The following ITGA9 variants were observed in gnomAD, a reference collection of about 807,000 sequenced individuals.
ITGA9 encodes integrin alpha-9.
In ITGA9, 56 loss-of-function variants were observed where a neutral mutation model predicts 127.8. That is an observed-to-expected ratio of 0.44 (90% CI 0.35 to 0.55). ITGA9 has a LOEUF of 0.55. ITGA9 is among the 20% of genes least tolerant of loss of function. The pLI, the probability that ITGA9 is intolerant of heterozygous loss-of-function variation, is 0.00. For missense variants in ITGA9, 1,196 were observed against 1,347.1 expected (o/e 0.89, Z 1.76); for synonymous variants, 508 against 514.5 (o/e 0.99, Z 0.17).
At chr3:37,785,599 G>A (rs1247541147) in intron 26 of ITGA9, among the ~76,000 whole-genome samples, 2 of 152,130 alleles carry the variant, frequency 1.3e-5, no homozygotes, top group East Asian at 3.9e-4. Context: ...TTAGCCTCCA[G>A]AGTAGCTAGG....
At chr3:37,557,368 G>A (rs1301053446) in intron 15 of ITGA9, among the ~76,000 whole-genome samples, 1 of 152,204 alleles carries the variant, frequency 6.6e-6, no homozygotes, top group African/African-American at 2.4e-5. Context: ...ATTGTAGTGA[G>A]TACGCTGTGT....
intron 4 of ITGA9, among the ~76,000 whole-genome samples, chr3:37,493,709 C>G (rs115114800): frequency 6.6e-6 from 1 of 152,172 alleles, no homozygotes; most frequent in Non-Finnish European, 1.5e-5. Context: ...AATATTCTTA[C>G]CTGTTAACAA....
intron 15 of ITGA9, among the ~76,000 whole-genome samples, chr3:37,614,221 A>C (rs1459322276): frequency 6.6e-6 from 1 of 152,172 alleles, no homozygotes; most frequent in Non-Finnish European, 1.5e-5. Context: ...TTAAATAGGG[A>C]ATCCTTTCCC....
intron 23 of ITGA9, among the ~76,000 whole-genome samples, chr3:37,756,939 C>CCTTTATTCTTAAAAA (rs1696659450): frequency 1.3e-5 from 2 of 149,906 alleles, no homozygotes; most frequent in African/African-American, 5.1e-5. Context: ...AAAAAGAAAT[C>CCTTTATTCTTAAAAA]AAAGTTGAAG....
chr3:37,463,174 C>T (rs1246398880), intron 1 of ITGA9, among the ~76,000 whole-genome samples: 2 of 152,170 alleles, frequency 1.3e-5, no homozygotes, highest in Non-Finnish European at 1.5e-5. Flanking sequence ...AATTAGTGGG[C>T]GATGGAATTA....
chr3:37,711,940 C>A (rs1701083992), intron 18 of ITGA9, among the ~76,000 whole-genome samples: 1 of 152,142 alleles, frequency 6.6e-6, no homozygotes, highest in African/African-American at 2.4e-5. Context: ...AGCAGCCCTG[C>A]AAATACAGAT....
rs142880965 is a variant in ITGA9 at position 37,487,254 on chromosome 3, A to C, written c.544+5647A>C. On this transcript the variant is annotated intron_variant, in intron 4 of 27. Coordinates refer to ENST00000264741, the MANE Select transcript of ITGA9 (RefSeq NM_002207.3). ...ATATCTTATTTAAATAAATAGAGCA[A>C]ATTAAAGAGAAGAGGATGCAGTTGT... Among the ~76,000 whole-genome samples, 229 of 152,330 alleles carry C rather than the reference A, an allele frequency of 1.5e-3. 2 individuals carry two copies. The highest frequency in any genetic ancestry group is 5.2e-3 in the African/African-American group (215 of 41,578).
At chr3:37,796,522 G>A (rs1284508561) in intron 26 of ITGA9, among the ~76,000 whole-genome samples, 1 of 152,050 alleles carries the variant, frequency 6.6e-6, no homozygotes, top group African/African-American at 2.4e-5. Context: ...TGGAACGACG[G>A]ACAGACGGAT....
intron 18 of ITGA9, among the ~76,000 whole-genome samples, chr3:37,701,606 C>T (rs1490820842): frequency 6.6e-6 from 1 of 152,200 alleles, no homozygotes; most frequent in African/African-American, 2.4e-5. Context: ...CTTGACACTT[C>T]TGGCCTGTTG....
intron 1 of ITGA9, among the ~76,000 whole-genome samples, chr3:37,460,028 A>G (rs1405155693): frequency 6.6e-6 from 1 of 152,176 alleles, no homozygotes; most frequent in Non-Finnish European, 1.5e-5. Flanking sequence ...GCATTAAGAC[A>G]GAAGTGTCCC....
chr3:37,512,144 CT>C (rs1188369802), intron 8 of ITGA9, among the ~76,000 whole-genome samples: 1 of 13,336 alleles, frequency 7.5e-5, no homozygotes, highest in African/African-American at 2.6e-4. Flanking sequence ...CTTTTCTTTT[CT>C]TTTCTTTTCT....
At chr3:37,728,685 C>T (rs919902384) in intron 18 of ITGA9, among the ~76,000 whole-genome samples, 3 of 151,734 alleles carry the variant, frequency 2.0e-5, no homozygotes, top group Non-Finnish European at 1.5e-5. Context: ...TGAGCTTTCT[C>T]CTCATCCTCC....
chr3:37,539,010 C>A (rs767733226), intron 14 of ITGA9, among the ~76,000 whole-genome samples: 1 of 152,220 alleles, frequency 6.6e-6, no homozygotes, highest in Non-Finnish European at 1.5e-5. Context: ...CATGCACACA[C>A]CCCGCTGGAG....
chr3:37,532,201 C>A (rs267568), intron 13 of ITGA9, among the ~76,000 whole-genome samples: 83,943 of 152,136 alleles, frequency 0.55, 23,839 homozygotes, highest in East Asian at 0.81. Flanking sequence ...GTTCCACTGC[C>A]TCTGTTATCA....
chr3:37,568,843 G>A lies in ITGA9; in HGVS notation c.1689+26258G>A, dbSNP rs191044292. On this transcript the variant is annotated intron_variant, in intron 15 of 27. Coordinates refer to ENST00000264741, the MANE Select transcript of ITGA9 (RefSeq NM_002207.3). ...AAGCCATTCAACAAGTCTCTAGGAA[G>A]TTCCAAACTTTCTCACATTTCCTGT... Among the ~76,000 whole-genome samples the A allele has an allele frequency of 2.2e-4, 33 of 152,338 alleles. No homozygotes were observed. The East Asian group carries it at 6.0e-3, about 28-fold the overall frequency.
intron 26 of ITGA9, among the ~76,000 whole-genome samples, chr3:37,800,309 A>G (rs1277974021): frequency 6.6e-6 from 1 of 152,254 alleles, no homozygotes; most frequent in Non-Finnish European, 1.5e-5. Context: ...ATAGTCAACA[A>G]TAAGGTTTAG....
Position 37,506,036 on chromosome 3 carries a change from C to T in ITGA9, c.779C>T (p.Ser260Phe). Residue 260 changes from serine to phenylalanine, a missense_variant, in exon 7 of 28, where the codon TCC becomes TTC. Ser to Phe is a radical substitution (Grantham distance 155). Transcript: ENST00000264741. ...AVTAGHFSHP[S>F]TIDVVGGAPQ... ...ACCGCTGGCCACTTCTCTCACCCGTCCACCATTGATGTGGTAGGAGGTGCC... is the reference window on the plus strand; with the variant it reads ...ACCGCTGGCCACTTCTCTCACCCGTTCACCATTGATGTGGTAGGAGGTGCC... 3 of 1,610,296 alleles carry T rather than the reference C, an allele frequency of 1.9e-6. No individual in the cohort carries two copies. Among genetic ancestry groups the T allele is most frequent in the Non-Finnish European group, 2.5e-6 (3 of 1,178,490 alleles).
At chr3:37,665,430 T>C (rs1009012520) in intron 17 of ITGA9, among the ~76,000 whole-genome samples, 2 of 152,118 alleles carry the variant, frequency 1.3e-5, no homozygotes, top group African/African-American at 4.8e-5. Context: ...TCAGAACAAG[T>C]GTTTGCCGTT....
At chr3:37,657,647 A>G (rs1248101016) in intron 17 of ITGA9, among the ~76,000 whole-genome samples, 1 of 144,424 alleles carries the variant, frequency 6.9e-6, no homozygotes, top group East Asian at 2.0e-4. Flanking sequence ...CAGCTCCTGG[A>G]TTTGTTTATT....
Sources: allele counts gnomAD v4.1 joint callset (sites outside exome capture counted in the v4.1 genomes callset), GRCh38; gene constraint gnomAD v4.1.1; transcripts MANE v1.5; gene names NCBI Gene and HGNC (gene_info 2026-07-23, HGNC 2026-07-21).